The following GAS2 variants were observed in gnomAD, a reference collection of about 807,000 sequenced individuals.
GAS2 encodes growth arrest-specific protein 2.
In GAS2, 20 loss-of-function variants were observed where a neutral mutation model predicts 37.5. That is an observed-to-expected ratio of 0.53 (90% CI 0.37 to 0.77). The LOEUF is 0.77. Among genes scored for constraint, GAS2 ranks in the 30% least tolerant of loss-of-function variants. The pLI, the probability that GAS2 is intolerant of heterozygous loss-of-function variation, is 0.00. For missense variants in GAS2, 336 were observed against 373.4 expected (o/e 0.90, Z 0.82); for synonymous variants, 144 against 132.2 (o/e 1.09, Z -0.61).
At chr11:22,750,830 C>T (rs1458727114) in intron 6 of GAS2, among the ~76,000 whole-genome samples, 1 of 151,732 alleles carries the variant, frequency 6.6e-6, no homozygotes. Flanking sequence ...AGTCTATTTC[C>T]TTTCAGCTAT....
At chr11:22,800,026 A>G (rs369339744) in intron 7 of GAS2, among the ~76,000 whole-genome samples, 3 of 152,222 alleles carry the variant, frequency 2.0e-5, no homozygotes, top group African/African-American at 7.2e-5. Flanking sequence ...AGTTCACAAT[A>G]TCTATGGAGT....
chr11:22,707,652 T>C (rs540027764), intron 3 of GAS2, among the ~76,000 whole-genome samples: 1 of 152,108 alleles, frequency 6.6e-6, no homozygotes, highest in Non-Finnish European at 1.5e-5. Flanking sequence ...TACAGAGAAA[T>C]TGGTGGCAAA....
chr11:22,652,684 C>A (rs1389394857), intron 1 of GAS2, among the ~76,000 whole-genome samples: 1 of 152,232 alleles, frequency 6.6e-6, no homozygotes, highest in Non-Finnish European at 1.5e-5. Flanking sequence ...ACCCGATTTT[C>A]CAGGTGCCGT....
At chr11:22,782,363 G>A (rs77397233) in intron 7 of GAS2, among the ~76,000 whole-genome samples, 2,620 of 152,172 alleles carry the variant, frequency 0.017, 68 homozygotes, top group African/African-American at 0.053. Context: ...AAGTTAAGGG[G>A]TTCCTTAGTT....
At chr11:22,710,517 G>A (rs61889446) in intron 3 of GAS2, among the ~76,000 whole-genome samples, 27,438 of 128,896 alleles carry the variant, frequency 0.21, 2,748 homozygotes, top group East Asian at 0.46. Flanking sequence ...GTGTGTCTGT[G>A]TGTATATATA....
At chr11:22,672,313 A>G (rs1271055150) in intron 1 of GAS2, among the ~76,000 whole-genome samples, 2 of 152,154 alleles carry the variant, frequency 1.3e-5, no homozygotes, top group Admixed American at 1.3e-4. Context: ...AGTTTGAGTT[A>G]CTTTTCTGGC....
intron 2 of GAS2, 83 bp from the exon 3 acceptor site, chr11:22,685,585 T>A: frequency 7.0e-7 from 1 of 1,427,250 alleles, no homozygotes; most frequent in Non-Finnish European, 9.6e-7. Flanking sequence ...GCAATTTTAG[T>A]GATAAAACTG....
chr11:22,650,436 G>A (rs1438959972), intron 1 of GAS2, among the ~76,000 whole-genome samples: 7 of 151,984 alleles, frequency 4.6e-5, no homozygotes, highest in South Asian at 2.1e-4. Flanking sequence ...TATTAGGTCC[G>A]TTTGGTGCAG....
intron 2 of GAS2, among the ~76,000 whole-genome samples, chr11:22,676,727 C>CT (rs973420106): frequency 6.6e-6 from 1 of 151,608 alleles, no homozygotes; most frequent in Non-Finnish European, 1.5e-5. Flanking sequence ...TAAATTTATT[C>CT]TTTTTTTCAA....
chr11:22,713,307 C>T (rs1319813744), intron 3 of GAS2, among the ~76,000 whole-genome samples: 1 of 151,420 alleles, frequency 6.6e-6, no homozygotes, highest in Non-Finnish European at 1.5e-5. Context: ...ATAATGAAGA[C>T]AAATAAAAAT....
At chr11:22,654,531 G>A (rs1848834685) in intron 1 of GAS2, among the ~76,000 whole-genome samples, 3 of 152,104 alleles carry the variant, frequency 2.0e-5, no homozygotes, top group East Asian at 1.9e-4. Flanking sequence ...GAGAGTTTGG[G>A]ACTACAGGCA....
intron 6 of GAS2, among the ~76,000 whole-genome samples, chr11:22,749,538 A>G (rs2134291790): frequency 6.6e-6 from 1 of 152,112 alleles, no homozygotes; most frequent in South Asian, 2.1e-4. Flanking sequence ...GAAAACATGA[A>G]AGTCTCTTTG....
chr11:22,788,260 A>C (rs1224943480), intron 7 of GAS2, among the ~76,000 whole-genome samples: 2 of 152,358 alleles, frequency 1.3e-5, no homozygotes, highest in Admixed American at 1.3e-4. Flanking sequence ...GATTTAGAAT[A>C]TGAAGAAAAT....
chr11:22,730,824 C>T (rs796593123), intron 4 of GAS2, among the ~76,000 whole-genome samples: 16 of 151,466 alleles, frequency 1.1e-4, no homozygotes, highest in African/African-American at 3.6e-4. Flanking sequence ...TCAGTTTCAC[C>T]GAAATGTAAA....
intron 3 of GAS2, among the ~76,000 whole-genome samples, chr11:22,710,462 GAT>G (rs777211915): frequency 3.0e-4 from 44 of 148,684 alleles, no homozygotes; most frequent in African/African-American, 9.8e-4. Flanking sequence ...AAAAATTCAA[GAT>G]ATATATATAT....
intron 7 of GAS2, among the ~76,000 whole-genome samples, chr11:22,779,757 T>TC (rs1397985649): frequency 2.0e-5 from 3 of 151,908 alleles, no homozygotes; most frequent in African/African-American, 7.3e-5. Context: ...TTACAGTAAC[T>TC]CTTTCTGGAA....
At chr11:22,760,077 C>A (rs1397860312) in intron 7 of GAS2, among the ~76,000 whole-genome samples, 2 of 152,162 alleles carry the variant, frequency 1.3e-5, no homozygotes, top group Admixed American at 6.5e-5. Flanking sequence ...TGTGACACAG[C>A]CTCCCAAGTA....
chr11:22,791,959 A>G (rs1856186130), intron 7 of GAS2, among the ~76,000 whole-genome samples: 1 of 152,240 alleles, frequency 6.6e-6, no homozygotes, highest in South Asian at 2.1e-4. Flanking sequence ...CTTAAAATAC[A>G]AAAGGCACAG....
At chr11:22,762,402 A>C (rs1483930069) in intron 7 of GAS2, among the ~76,000 whole-genome samples, 1 of 152,126 alleles carries the variant, frequency 6.6e-6, no homozygotes, top group Non-Finnish European at 1.5e-5. Flanking sequence ...TACAGGTGAA[A>C]AAATAAAGTC....
Sources: gnomAD v4.1 joint callset for allele counts (sites outside exome capture counted in the v4.1 genomes callset) on GRCh38, gnomAD v4.1.1 for gene constraint, MANE v1.5 for transcripts, NCBI Gene and HGNC (gene_info 2026-07-23, HGNC 2026-07-21) for gene names.